Variants in RAE1 observed in about 807,000 individuals in gnomAD.
The protein encoded by RAE1 is ribonucleic acid export 1.
In RAE1, 13 loss-of-function variants were observed where a neutral mutation model predicts 52.7. That is an observed-to-expected ratio of 0.25 (90% CI 0.16 to 0.39). The LOEUF is 0.39. Among genes scored for constraint, RAE1 ranks in the 10% least tolerant of loss-of-function variants. The pLI, the probability that RAE1 is intolerant of heterozygous loss-of-function variation, is 1.00. For synonymous variants in RAE1, 164 were observed against 153.1 expected, an observed-to-expected ratio of 1.07 and a Z score of -0.52; for missense variants, 262 against 459.8, an observed-to-expected ratio of 0.57 and a Z score of 3.93.
intron 8 of RAE1, among the ~76,000 whole-genome samples, chr20:57,370,815 C>T (rs1348945573): frequency 1.3e-5 from 2 of 152,220 alleles, no homozygotes; most frequent in Non-Finnish European, 2.9e-5. Flanking sequence ...TGCTGCCTCC[C>T]AGCACTTGGA....
At chr20:57,374,480 C>T (rs891987392) in intron 10 of RAE1, 127 bp from the exon 11 acceptor site, 15 of 871,874 alleles carry the variant, frequency 1.7e-5, no homozygotes, top group Admixed American at 4.6e-5. Flanking sequence ...TTGCTATCAG[C>T]GGGCAGCAGC....
At chr20:57,365,299 ATATAGT>A (rs2066939330) in intron 4 of RAE1, 51 bp from the exon 5 acceptor site, 1 of 1,240,694 alleles carries the variant, frequency 8.1e-7, no homozygotes, top group African/African-American at 1.5e-5. Flanking sequence ...CTAAATATAT[ATATAGT>A]TAAAGATTTA....
At chr20:57,353,665 A>T (rs971688163) in intron 1 of RAE1, among the ~76,000 whole-genome samples, 2 of 152,282 alleles carry the variant, frequency 1.3e-5, no homozygotes. Context: ...CCTGCTGCGC[A>T]GCTCAGGGTC....
In RAE1 at chr20:57,351,937, C is replaced by T. The variant is rs988539570; in HGVS notation, c.-8+515C>T. 6 of 985,508 alleles carry T rather than the reference C, an allele frequency of 6.1e-6. No homozygotes were observed. In the South Asian group the frequency reaches 2.8e-4, roughly 46 times the overall value. 61.0% of individuals were successfully genotyped at this position (985,508 alleles called of 1,614,324 possible). ...TTCTCCAGGCAAGTAGTATTAAACA[C>T]CAGCCGCCCTGGGCCAGGCATTGTA... On this transcript the variant is annotated intron_variant, in intron 1 of 11. Coordinates refer to ENST00000395841, the MANE Select transcript of RAE1 (RefSeq NM_003610.4).
Position 57,378,769 on chromosome 20 carries a change from G to A in RAE1, c.*670G>A, listed in dbSNP as rs148486775. The A allele has an allele frequency of 9.8e-5, 15 of 152,366 alleles. No individual in the cohort carries two copies. Among genetic ancestry groups the A allele is most frequent in the African/African-American group, 3.6e-4 (15 of 41,570 alleles). 9.4% of individuals were successfully genotyped at this position (152,366 alleles called of 1,614,324 possible). ...GTGACTCAAATGGGGACTGTTACTT[G>A]TGCTGGGTGACAGGCCATTTGTGGG... On this transcript the variant is annotated 3_prime_UTR_variant, in exon 12 of 12. Transcript: ENST00000395841.
intron 8 of RAE1, chr20:57,373,197 G>T: frequency 2.3e-6 from 1 of 436,392 alleles, no homozygotes; most frequent in Non-Finnish European, 4.1e-6. Context: ...GCAGCCCATG[G>T]GGCTCTGCTG....
At chr20:57,353,942 T>G in intron 1 of RAE1, 90 bp from the exon 2 acceptor site, 1 of 1,157,898 alleles carries the variant, frequency 8.6e-7, no homozygotes, top group Non-Finnish European at 1.3e-6. Context: ...CCACTTTGAG[T>G]ATTTCTCTTC....
chr20:57,351,510 G>C, intron 1 of RAE1, 88 bp downstream of exon 1: 1 of 985,372 alleles, frequency 1.0e-6, no homozygotes, highest in East Asian at 1.1e-4. Flanking sequence ...GCGCTTCTGC[G>C]GGATGCTGGG....
chr20:57,360,896 C>T (rs1324018622), intron 4 of RAE1, among the ~76,000 whole-genome samples: 2 of 152,164 alleles, frequency 1.3e-5, no homozygotes, highest in Non-Finnish European at 2.9e-5. Flanking sequence ...CCTTTTGATC[C>T]GGGTGATCTA....
chr20:57,374,475 A>G (rs2146178350), intron 10 of RAE1, 132 bp from the exon 11 acceptor site: 3 of 849,572 alleles, frequency 3.5e-6, no homozygotes, highest in East Asian at 2.4e-5. Flanking sequence ...TTCTCTTGCT[A>G]TCAGCGGGCA....
intron 10 of RAE1, 105 bp downstream of exon 10, chr20:57,373,843 G>A: frequency 8.4e-7 from 1 of 1,197,166 alleles, no homozygotes; most frequent in Non-Finnish European, 1.2e-6. Flanking sequence ...AAGAGCTTGT[G>A]TGTTCATGTC....
At chr20:57,355,771 TAGG>T (rs1217684399) in intron 3 of RAE1, among the ~76,000 whole-genome samples, 1 of 152,170 alleles carries the variant, frequency 6.6e-6, no homozygotes, top group African/African-American at 2.4e-5. Context: ...CAGCAGGGGT[TAGG>T]AGAACAGGAG....
chr20:57,374,727 C>A lies in RAE1; in HGVS notation c.946C>A (p.Gln316Lys), dbSNP rs766334140. The A allele has an allele frequency of 6.2e-7, 1 of 1,614,212 alleles. No homozygotes were observed. The highest frequency in any genetic ancestry group is 1.1e-5 in the South Asian group (1 of 91,082). The change falls in exon 11 of 12, where the codon CAG becomes AAG. Residue 316 changes from glutamine (Q) to lysine (K), a missense_variant. Transcript: ENST00000395841. ...TKLKTSEQLD[Q>K]PISACCFNHN... ...ACTAAAAACTTCGGAACAGTTAGAT[C>A]AGCCCATCTCAGCTTGCTGTTTCAA...
chr20:57,363,166 T>G (rs1342503172), intron 4 of RAE1, among the ~76,000 whole-genome samples: 1 of 152,226 alleles, frequency 6.6e-6, no homozygotes, highest in South Asian at 2.1e-4. Flanking sequence ...GGTTCAAATT[T>G]CAGCTCTGTC....
At chr20:57,362,447 G>A (rs765818288) in intron 4 of RAE1, among the ~76,000 whole-genome samples, 3 of 152,216 alleles carry the variant, frequency 2.0e-5, no homozygotes, top group Admixed American at 6.5e-5. Flanking sequence ...GTAGCAGCAT[G>A]AGTAGATTTG....
intron 3 of RAE1, 34 bp downstream of exon 3, chr20:57,354,850 A>G (rs757922621): frequency 4.0e-6 from 6 of 1,487,870 alleles, no homozygotes; most frequent in Non-Finnish European, 5.5e-6. Context: ...TCTAGAAATC[A>G]TCTCTCTTTG....
intron 4 of RAE1, among the ~76,000 whole-genome samples, chr20:57,364,599 A>G (rs2146153056): frequency 6.6e-6 from 1 of 152,350 alleles, no homozygotes; most frequent in East Asian, 1.9e-4. Context: ...TCAGCAAACT[A>G]TGGCCCATGA....
intron 8 of RAE1, among the ~76,000 whole-genome samples, 200 bp downstream of exon 8, chr20:57,369,012 C>A (rs1221378359): frequency 6.6e-6 from 1 of 152,190 alleles, no homozygotes; most frequent in Non-Finnish European, 1.5e-5. Flanking sequence ...GAATTTATGT[C>A]TTCTCCAAAC....
intron 4 of RAE1, chr20:57,358,814 T>G: frequency 2.2e-6 from 1 of 459,558 alleles, no homozygotes; most frequent in Non-Finnish European, 3.8e-6. Flanking sequence ...ACTTGTGTGG[T>G]CTTAGGTTGT....
Sources: allele counts gnomAD v4.1 joint callset (sites outside exome capture counted in the v4.1 genomes callset), GRCh38; gene constraint gnomAD v4.1.1; transcripts MANE v1.5; gene names NCBI Gene and HGNC (gene_info 2026-07-23, HGNC 2026-07-21).